GGA3: variants seen among roughly 807,000 people sequenced by gnomAD.
GGA3 encodes ADP-ribosylation factor-binding protein GGA3.
A neutral mutation model predicts 77.5 loss-of-function variants in GGA3; 57 were observed. The observed-to-expected ratio is 0.74, with a 90% CI of 0.59 to 0.92. The LOEUF is 0.92. GGA3 is among the 40% of genes least tolerant of loss of function. The pLI, the probability that GGA3 is intolerant of heterozygous loss-of-function variation, is 0.00. For synonymous variants in GGA3, 416 were observed against 383.7 expected, an observed-to-expected ratio of 1.08 and a Z score of -0.98; for missense variants, 970 against 914.9, an observed-to-expected ratio of 1.06 and a Z score of -0.78.
chr17:75,241,577 A>C (rs915375319), intron 9 of GGA3, 38 bp downstream of exon 9: 1 of 1,606,772 alleles, frequency 6.2e-7, no homozygotes, highest in Admixed American at 1.7e-5. Flanking sequence ...ACATATCCAA[A>C]TGCCTGGCTT....
At chr17:75,253,556 C>T (rs1287326871) in intron 1 of GGA3, among the ~76,000 whole-genome samples, 2 of 150,178 alleles carry the variant, frequency 1.3e-5, no homozygotes, top group Non-Finnish European at 3.0e-5. Context: ...GTGTCTCTAC[C>T]CCTTCTCTGC....
intron 4 of GGA3, among the ~76,000 whole-genome samples, chr17:75,243,817 G>A (rs1382193460): frequency 6.6e-5 from 10 of 152,088 alleles, no homozygotes; most frequent in Non-Finnish European, 1.0e-4. Context: ...TCCAGGAAGT[G>A]TCCTGTAAGT....
In GGA3 at chr17:75,243,173, G is replaced by A. The variant is rs1434277098; in HGVS notation, c.425-7C>T. The A allele has an allele frequency of 6.3e-7, 1 of 1,594,522 alleles. No homozygotes were observed. Among genetic ancestry groups the A allele is most frequent in the Admixed American group, 1.7e-5 (1 of 57,388 alleles). On this transcript the variant is annotated splice_polypyrimidine_tract_variant and splice_region_variant and intron_variant, in intron 5 of 16. Coordinates refer to ENST00000537686, the MANE Select transcript of GGA3 (RefSeq NM_138619.4). The stretch of plus-strand genomic sequence containing the variant: ...GGGTCAGACTGCACTATGCCTGAAA[G>A]GGGACATGGCAGCACGTGCACTCAG...
chr17:75,256,455 C>T (rs1165402871), intron 1 of GGA3, among the ~76,000 whole-genome samples: 1 of 152,042 alleles, frequency 6.6e-6, no homozygotes, highest in East Asian at 1.9e-4. Context: ...CCACACCTGA[C>T]CCCCATGACT....
intron 3 of GGA3, among the ~76,000 whole-genome samples, chr17:75,245,722 A>C (rs1321041785): frequency 6.6e-6 from 1 of 152,018 alleles, no homozygotes. Context: ...ACAATGTCTC[A>C]CTACGTTGCC....
intron 1 of GGA3, among the ~76,000 whole-genome samples, chr17:75,249,714 GA>G (rs2076894386): frequency 6.6e-6 from 1 of 152,166 alleles, no homozygotes; most frequent in Non-Finnish European, 1.5e-5. Context: ...TACACCTTGT[GA>G]CAGAAGAAAA....
At chr17:75,238,835 C>T (rs2076415456) in intron 15 of GGA3, 73 bp from the exon 16 acceptor site, 1 of 1,573,910 alleles carries the variant, frequency 6.4e-7, no homozygotes, top group Admixed American at 1.7e-5. Context: ...CACACACACA[C>T]TGCCACCTGC....
intron 3 of GGA3, 131 bp from the exon 4 acceptor site, chr17:75,244,848 A>C: frequency 1.5e-6 from 1 of 683,988 alleles, no homozygotes; most frequent in African/African-American, 1.8e-5. Flanking sequence ...CACGAAAAGC[A>C]GTGTGCACTG....
At position 75,238,401 on chromosome 17, in the gene GGA3, GGCA is replaced by G; in HGVS notation, c.2062-15_2062-13del. ...AGCCGCACCTTCTCCTGTGACAGAG[GGCA>G]GCAAGTGAGATCCAGCCCAGGCGGC... On this transcript the variant is annotated splice_polypyrimidine_tract_variant and intron_variant, in intron 16 of 16. Transcript: ENST00000537686. 6.2e-7 allele frequency: 1 copy of G among 1,610,692 alleles called. No homozygotes were observed. The highest frequency in any genetic ancestry group is 8.5e-7 in the Non-Finnish European group (1 of 1,177,894).
At chr17:75,255,168 A>AT (rs2077100796) in intron 1 of GGA3, among the ~76,000 whole-genome samples, 1 of 152,028 alleles carries the variant, frequency 6.6e-6, no homozygotes, top group Admixed American at 6.6e-5. Flanking sequence ...CCCACTCCAC[A>AT]TTACCTTCTT....
chr17:75,252,193 TCAA>T (rs371060850), intron 1 of GGA3, among the ~76,000 whole-genome samples: 24 of 151,800 alleles, frequency 1.6e-4, no homozygotes, highest in Admixed American at 5.3e-4. Flanking sequence ...TCCTCCCACC[TCAA>T]CCTCCTGAGT....
intron 3 of GGA3, among the ~76,000 whole-genome samples, chr17:75,245,357 G>A (rs1057363276): frequency 6.6e-6 from 1 of 152,022 alleles, no homozygotes; most frequent in Non-Finnish European, 1.5e-5. Flanking sequence ...GTCATTCTTC[G>A]TTGTGGGGGG....
intron 1 of GGA3, among the ~76,000 whole-genome samples, chr17:75,247,070 T>C (rs1264088468): frequency 6.6e-6 from 1 of 151,786 alleles, no homozygotes; most frequent in African/African-American, 2.4e-5. Flanking sequence ...GGAATCAAGG[T>C]CAAAAGGACA....
chr17:75,261,474 G>A (rs570467425), intron 1 of GGA3, 74 bp downstream of exon 1: 34 of 1,219,330 alleles, frequency 2.8e-5, no homozygotes, highest in Non-Finnish European at 3.5e-5. Flanking sequence ...TGGAGCCCGG[G>A]GAGGGGACGT....
intron 2 of GGA3, 37 bp downstream of exon 2, chr17:75,246,675 G>T: frequency 1.3e-6 from 2 of 1,595,132 alleles, no homozygotes; most frequent in Non-Finnish European, 1.7e-6. Flanking sequence ...TTCCCAGTCC[G>T]CTCCCTCTCA....
intron 4 of GGA3, among the ~76,000 whole-genome samples, chr17:75,244,228 C>G (rs928710087): frequency 1.3e-5 from 2 of 152,264 alleles, no homozygotes; most frequent in South Asian, 4.1e-4. Context: ...CACCAGCGTG[C>G]AACAGAACAC....
chr17:75,248,834 A>C (rs867389965), intron 1 of GGA3: 22 of 935,888 alleles, frequency 2.4e-5, no homozygotes, highest in Non-Finnish European at 2.8e-5. Context: ...AAAAAAAAAA[A>C]CTCACCAGCT....
chr17:75,236,743 AGT>A lies in GGA3; in HGVS notation c.*1534_*1535del, dbSNP rs1271366245. 1 of 153,664 alleles carries A rather than the reference AGT, an allele frequency of 6.5e-6. No individual in the cohort carries two copies. The highest frequency in any genetic ancestry group is 1.5e-5 in the Non-Finnish European group (1 of 68,758). The allele number at this position is 153,664 out of a possible 1,614,324, so 9.5% of individuals were successfully genotyped here. A position where few individuals can be genotyped will look rare whatever the true frequency, so the allele number is the denominator to read the frequency against. On this transcript the variant is annotated 3_prime_UTR_variant, in exon 17 of 17. Coordinates refer to ENST00000537686, the MANE Select transcript of GGA3 (RefSeq NM_138619.4). ...CTGTAATGTCTAGAGCATAACACAA[AGT>A]TCCATTTCCACATAGTAATTCCACA...
rs902895375 is a variant in GGA3, at chr17:75,237,883, G to C, written c.*396C>G. On this transcript the variant is annotated 3_prime_UTR_variant, in exon 17 of 17. Coordinates refer to ENST00000537686, the MANE Select transcript of GGA3 (RefSeq NM_138619.4). ...TCAGGTGTGAGGATGTGGCTCTTGT[G>C]GGGAATGACCCATGACAGTCTCTCT... The C allele has an allele frequency of 7.2e-7, 1 of 1,385,306 alleles. No individual in the cohort carries two copies. The highest frequency in any genetic ancestry group is 9.3e-7 in the Non-Finnish European group (1 of 1,074,114). 85.8% of individuals were successfully genotyped at this position (1,385,306 alleles called of 1,614,324 possible).
Sources: gnomAD v4.1 joint callset for allele counts (sites outside exome capture counted in the v4.1 genomes callset) on GRCh38, gnomAD v4.1.1 for gene constraint, MANE v1.5 for transcripts, NCBI Gene and HGNC (gene_info 2026-07-23, HGNC 2026-07-21) for gene names.